Variants in PGM2L1 observed in about 807,000 individuals in gnomAD.
PGM2L1 encodes the protein glucose 1,6-bisphosphate synthase.
PGM2L1 carries 35 observed loss-of-function variants against 73.4 expected under a neutral mutation model. The ratio of observed to expected loss-of-function variants is 0.48; its 90% CI spans 0.36 to 0.63. The LOEUF is 0.63. Ranked by LOEUF, PGM2L1 falls within the 30% of genes least tolerant of loss-of-function variation. The pLI, the probability that PGM2L1 is intolerant of heterozygous loss-of-function variation, is 0.00. For synonymous variants in PGM2L1, 225 were observed against 253.8 expected (o/e 0.89, Z 1.08); for missense variants, 570 against 742.0 (o/e 0.77, Z 2.69).
At position 74,371,769 on chromosome 11, in the gene PGM2L1, C is replaced by A; in HGVS notation, c.328G>T (p.Gly110Cys). 28 of 1,613,968 alleles carry A rather than the reference C, an allele frequency of 1.7e-5. No individual in the cohort carries two copies. Among genetic ancestry groups the A allele is most frequent in the Non-Finnish European group, 2.3e-5 (27 of 1,179,900 alleles). ...CGAGTGTCATACCCAACCACAAAGC[C>A]TCTCTGCTTGAAGTCTGAGAAACAT... The part of the protein sequence containing the change: ...ERCFSDFKQR[G>C]FVVGYDTRGQ... The change falls in exon 3 of 14, where the codon GGC becomes TGC. Residue 110 changes from glycine to cysteine, a missense_variant. Transcript: ENST00000298198.
chr11:74,346,588 T>G, intron 8 of PGM2L1, 144 bp downstream of exon 8: 1 of 587,850 alleles, frequency 1.7e-6, no homozygotes. Context: ...AAGTATCAAC[T>G]TAGGTGGTTA....
At chr11:74,363,260 A>G (rs1862595098) in intron 5 of PGM2L1, among the ~76,000 whole-genome samples, 1 of 152,206 alleles carries the variant, frequency 6.6e-6, no homozygotes, top group Non-Finnish European at 1.5e-5. Flanking sequence ...GGAAATTTAT[A>G]GCACTAAATG....
chr11:74,358,271 T>C (rs1474833123), intron 5 of PGM2L1, among the ~76,000 whole-genome samples: 1 of 152,168 alleles, frequency 6.6e-6, no homozygotes, highest in Non-Finnish European at 1.5e-5. Context: ...GGGAAATCTC[T>C]GAACCCTCCA....
intron 1 of PGM2L1, among the ~76,000 whole-genome samples, chr11:74,386,747 G>T (rs1293464345): frequency 1.3e-5 from 2 of 152,122 alleles, no homozygotes; most frequent in African/African-American, 2.4e-5. Flanking sequence ...AAAATGCTGG[G>T]ATTACAGGCA....
chr11:74,386,689 C>T (rs1863023247), intron 1 of PGM2L1, among the ~76,000 whole-genome samples: 1 of 152,080 alleles, frequency 6.6e-6, no homozygotes, highest in Non-Finnish European at 1.5e-5. Flanking sequence ...TTTGCCCAGG[C>T]TGGTCTCAAA....
chr11:74,347,221 G>A lies in PGM2L1; in HGVS notation c.866C>T (p.Pro289Leu). The change falls in exon 7 of 14, where the codon CCA becomes CTA. Residue 289 changes from proline (P) to leucine (L), a missense_variant. Pro to Leu is a moderately conservative substitution (Grantham distance 98, BLOSUM62 -3). Coordinates refer to ENST00000298198, the MANE Select transcript of PGM2L1 (RefSeq NM_173582.6). Reference sequence around the variant, plus strand: ...GTCTGGATCAGGATCTTTTTGTTCTGGTACTGGAATTGGAGGCTTAAAACC... The same window carrying A: ...GTCTGGATCAGGATCTTTTTGTTCTAGTACTGGAATTGGAGGCTTAAAACC... The part of the protein sequence containing the change: ...VFGFKPPIPV[P>L]EQKDPDPDFS... 6.2e-7 allele frequency: 1 copy of A among 1,612,486 alleles called. No individual in the cohort carries two copies. The highest frequency in any genetic ancestry group is 8.5e-7 in the Non-Finnish European group (1 of 1,179,182).
chr11:74,371,652 A>G, intron 3 of PGM2L1, 59 bp downstream of exon 3: 1 of 1,452,192 alleles, frequency 6.9e-7, no homozygotes, highest in Non-Finnish European at 9.6e-7. Context: ...AGACAAAAAA[A>G]TGTTTTAAAT....
intron 5 of PGM2L1, among the ~76,000 whole-genome samples, chr11:74,361,846 GA>G (rs200449162): frequency 0.025 from 3,742 of 152,074 alleles, 167 homozygotes; most frequent in African/African-American, 0.086. Context: ...GAAGTTTAGA[GA>G]AAAAAGGGTA....
Position 74,395,549 on chromosome 11 carries a change from C to CTTTTTTTTTTTTTTTT in PGM2L1, c.111+2486_111+2501dup, listed in dbSNP as rs60883108. ...TACAGGCACGTGACACCTCGCCTGG[C>CTTTTTTTTTTTTTTTT]TTTTTTTTTTTTTTTTTTTTTTTTT... is the stretch of plus-strand genomic sequence containing the variant. On this transcript the variant is annotated intron_variant, in intron 1 of 13. Coordinates refer to ENST00000298198, the MANE Select transcript of PGM2L1 (RefSeq NM_173582.6). Among the ~76,000 whole-genome samples, 127 of 64,940 alleles carry CTTTTTTTTTTTTTTTT rather than the reference C, an allele frequency of 2.0e-3. 12 individuals carry two copies. Among genetic ancestry groups the CTTTTTTTTTTTTTTTT allele is most frequent in the East Asian group, 2.7e-3 (4 of 1,474 alleles). The allele number at this position is 64,940 out of a possible 152,430, so 42.6% of individuals were successfully genotyped here. A position where few individuals can be genotyped will look rare whatever the true frequency, so the allele number is the denominator to read the frequency against.
intron 1 of PGM2L1, among the ~76,000 whole-genome samples, chr11:74,389,855 G>C (rs1194617509): frequency 6.8e-6 from 1 of 147,388 alleles, no homozygotes; most frequent in Non-Finnish European, 1.5e-5. Flanking sequence ...TGTAATCCCA[G>C]CACTTTGTGA....
chr11:74,391,362 AC>A (rs1251085970), intron 1 of PGM2L1, among the ~76,000 whole-genome samples: 4 of 150,546 alleles, frequency 2.7e-5, no homozygotes, highest in African/African-American at 9.8e-5. Flanking sequence ...TATTTCTGGA[AC>A]CCCAGTGTGG....
intron 5 of PGM2L1, among the ~76,000 whole-genome samples, chr11:74,362,366 C>T (rs1419510673): frequency 2.0e-5 from 3 of 152,154 alleles, no homozygotes; most frequent in Non-Finnish European, 4.4e-5. Flanking sequence ...CACCACCAGG[C>T]CTGCCCTACA....
chr11:74,397,083 T>G (rs1208595235), intron 1 of PGM2L1, among the ~76,000 whole-genome samples: 1 of 152,242 alleles, frequency 6.6e-6, no homozygotes, highest in Non-Finnish European at 1.5e-5. Context: ...AAGTGAAGCC[T>G]TAAGGAAATT....
chr11:74,364,803 A>G (rs1430759757), intron 5 of PGM2L1, among the ~76,000 whole-genome samples: 1 of 152,234 alleles, frequency 6.6e-6, no homozygotes, highest in Non-Finnish European at 1.5e-5. Context: ...GGTAATTTAT[A>G]GATTCAATGC....
intron 5 of PGM2L1, among the ~76,000 whole-genome samples, chr11:74,360,206 G>C (rs1001635789): frequency 6.6e-5 from 10 of 150,906 alleles, no homozygotes; most frequent in Admixed American, 6.6e-4. Flanking sequence ...CTCCAGCCTT[G>C]GTGACAGAGC....
chr11:74,385,461 T>C (rs1863004856), intron 1 of PGM2L1, among the ~76,000 whole-genome samples: 1 of 152,206 alleles, frequency 6.6e-6, no homozygotes, highest in South Asian at 2.1e-4. Flanking sequence ...TTTAAAATTT[T>C]ATACCATTAT....
Position 74,393,323 on chromosome 11 carries a change from C to T in PGM2L1, c.111+4728G>A, listed in dbSNP as rs929523864. Among the ~76,000 whole-genome samples, 38 of 152,198 alleles carry T rather than the reference C, an allele frequency of 2.5e-4. 1 individual carries two copies. Among genetic ancestry groups the T allele is most frequent in the Non-Finnish European group, 1.5e-5 (1 of 68,034 alleles). On this transcript the variant is annotated intron_variant, in intron 1 of 13. Coordinates refer to ENST00000298198, the MANE Select transcript of PGM2L1 (RefSeq NM_173582.6). ...CTAGGTGGCAGATCCAAGCTCCCAT[C>T]TAAGCTCCCCAACTGGATAATGTCC...
intron 1 of PGM2L1, among the ~76,000 whole-genome samples, chr11:74,386,818 T>G (rs1465514445): frequency 1.3e-5 from 2 of 152,124 alleles, no homozygotes; most frequent in East Asian, 3.8e-4. Context: ...AAAATGATAT[T>G]TTAACTGAAA....
intron 9 of PGM2L1, 46 bp downstream of exon 9, chr11:74,345,423 A>C (rs1862246571): frequency 1.5e-5 from 22 of 1,492,894 alleles, no homozygotes; most frequent in Non-Finnish European, 1.9e-5. Flanking sequence ...TTTAACATAC[A>C]GAAATAGGTT....
Sources: allele counts gnomAD v4.1 joint callset (sites outside exome capture counted in the v4.1 genomes callset), GRCh38; gene constraint gnomAD v4.1.1; transcripts MANE v1.5; gene names NCBI Gene and HGNC (gene_info 2026-07-23, HGNC 2026-07-21).